STK31: variants seen among roughly 807,000 people sequenced by gnomAD.
The protein encoded by STK31 is serine/threonine kinase 31.
A neutral mutation model predicts 129.7 loss-of-function variants in STK31; 89 were observed. The ratio of observed to expected loss-of-function variants is 0.69; its 90% CI spans 0.58 to 0.82. The LOEUF (loss-of-function observed/expected upper bound fraction) is 0.82, where lower values mean the gene tolerates loss of function less well. Among genes scored for constraint, STK31 ranks in the 40% least tolerant of loss-of-function variants. The pLI, the probability that STK31 is intolerant of heterozygous loss-of-function variation, is 0.00. For missense variants in STK31, 1,187 were observed against 1,176.4 expected, an observed-to-expected ratio of 1.01 and a Z score of -0.13; for synonymous variants, 448 against 395.3, an observed-to-expected ratio of 1.13 and a Z score of -1.58.
At chr7:23,790,575 A>C (rs1218329976) in intron 21 of STK31, among the ~76,000 whole-genome samples, 1 of 152,184 alleles carries the variant, frequency 6.6e-6, no homozygotes, top group Non-Finnish European at 1.5e-5. Context: ...TTAATCACAG[A>C]ATAAGTGGTT....
chr7:23,803,484 A>G (rs1029459381), intron 22 of STK31, among the ~76,000 whole-genome samples: 1 of 152,236 alleles, frequency 6.6e-6, no homozygotes, highest in African/African-American at 2.4e-5. Context: ...TATGAGATCC[A>G]GATTAAATGA....
chr7:23,710,678 C>G (rs922584706), intron 1 of STK31: 2 of 1,115,286 alleles, frequency 1.8e-6, no homozygotes, highest in African/African-American at 3.2e-5. Context: ...CCGTTTCTTC[C>G]AAATTTTCAT....
chr7:23,784,134 A>G (rs1297179140), intron 17 of STK31, among the ~76,000 whole-genome samples: 1 of 152,122 alleles, frequency 6.6e-6, no homozygotes, highest in Non-Finnish European at 1.5e-5. Flanking sequence ...CAAAAGCTGG[A>G]GATCAGCATA....
chr7:23,762,084 AT>A (rs1044040588), intron 10 of STK31, among the ~76,000 whole-genome samples: 1 of 151,420 alleles, frequency 6.6e-6, no homozygotes, highest in Non-Finnish European at 1.5e-5. Flanking sequence ...AAACTTTTTT[AT>A]TTTATTTCAT....
intron 22 of STK31, among the ~76,000 whole-genome samples, chr7:23,793,021 C>CT (rs1562607278): frequency 2.6e-5 from 4 of 152,188 alleles, no homozygotes; most frequent in African/African-American, 9.7e-5. Flanking sequence ...GACCCTGTTT[C>CT]TAAAAACACA....
chr7:23,767,130 ATATT>A (rs1373658279), intron 11 of STK31, among the ~76,000 whole-genome samples: 4 of 152,104 alleles, frequency 2.6e-5, no homozygotes. Context: ...TTTGTTGAGA[ATATT>A]TATTATGCTT....
At chr7:23,747,935 T>TC (rs1768029684) in intron 8 of STK31, among the ~76,000 whole-genome samples, 1 of 152,184 alleles carries the variant, frequency 6.6e-6, no homozygotes, top group Non-Finnish European at 1.5e-5. Context: ...TGCTGGTTTT[T>TC]CTCTCCTGAT....
chr7:23,827,613 G>A (rs1484653773), intron 23 of STK31, among the ~76,000 whole-genome samples: 1 of 152,100 alleles, frequency 6.6e-6, no homozygotes, highest in Non-Finnish European at 1.5e-5. Flanking sequence ...GTCATTCTCT[G>A]TCCAGCTTTG....
At chr7:23,821,059 C>T (rs958944772) in intron 23 of STK31, among the ~76,000 whole-genome samples, 1 of 148,848 alleles carries the variant, frequency 6.7e-6, no homozygotes, top group African/African-American at 2.5e-5. Flanking sequence ...AATATTTTGA[C>T]ACTTAGGTTG....
In STK31 at chr7:23,759,879, T is replaced by TA. The variant is rs779121138; in HGVS notation, c.1294-2921dup. Reference sequence around the variant, plus strand: ...ATACCTATGGAGTTGTTACAAGAGATACTGGCTTTTGAGGGACATTAGGCT... The same window carrying TA: ...ATACCTATGGAGTTGTTACAAGAGATAACTGGCTTTTGAGGGACATTAGGCT... On this transcript the variant is annotated intron_variant, in intron 10 of 23. Transcript: ENST00000355870. Among the ~76,000 whole-genome samples the TA allele has an allele frequency of 7.4e-4, 112 of 152,322 alleles. 2 individuals carry two copies. The East Asian group carries it at 0.016, about 22-fold the overall frequency.
chr7:23,808,150 AATAT>A (rs569815420), intron 22 of STK31, among the ~76,000 whole-genome samples: 4 of 130,806 alleles, frequency 3.1e-5, no homozygotes, highest in African/African-American at 1.1e-4. Context: ...AATCCTTTTT[AATAT>A]ATATATATAT....
chr7:23,803,836 T>A (rs145351309), intron 22 of STK31, among the ~76,000 whole-genome samples: 148 of 152,330 alleles, frequency 9.7e-4, no homozygotes, highest in African/African-American at 3.5e-3. Context: ...GTTTTCTATA[T>A]CTTTTAACTG....
rs747657506 is a variant in STK31, at chr7:23,832,505, T to C, written c.*139T>C. The stretch of plus-strand genomic sequence containing the variant: ...TGTGAAAAATAAAGATGTTTGGCTA[T>C]GCACAAAATAGTTTGTATGCTTTGA... On this transcript the variant is annotated 3_prime_UTR_variant, in exon 24 of 24. Transcript: ENST00000355870. 2 of 664,126 alleles carry C rather than the reference T, an allele frequency of 3.0e-6. No homozygotes were observed. Among genetic ancestry groups the C allele is most frequent in the Non-Finnish European group, 5.1e-6 (2 of 391,152 alleles). The allele number at this position is 664,126 out of a possible 1,614,324, so 41.1% of individuals were successfully genotyped here. A position where few individuals can be genotyped will look rare whatever the true frequency, so the allele number is the denominator to read the frequency against.
intron 16 of STK31, among the ~76,000 whole-genome samples, chr7:23,783,328 G>A (rs971541010): frequency 6.6e-6 from 1 of 152,164 alleles, no homozygotes; most frequent in Non-Finnish European, 1.5e-5. Flanking sequence ...TGTTAAGCTA[G>A]GTTGCAGTTC....
At chr7:23,766,397 G>A (rs1424613452) in intron 11 of STK31, among the ~76,000 whole-genome samples, 2 of 152,112 alleles carry the variant, frequency 1.3e-5, no homozygotes, top group African/African-American at 4.8e-5. Flanking sequence ...CGAGTAGCTG[G>A]GACTACAGGC....
chr7:23,829,826 ATGTTTTCTATTTCT>A (rs1358989094), intron 23 of STK31, among the ~76,000 whole-genome samples: 3 of 152,112 alleles, frequency 2.0e-5, no homozygotes, highest in Admixed American at 2.0e-4. Flanking sequence ...TGGTCTGTTC[ATGTTTTCTATTTCT>A]TACTGATTCA....
chr7:23,816,896 T>C (rs561090449), intron 23 of STK31, among the ~76,000 whole-genome samples: 55 of 152,208 alleles, frequency 3.6e-4, no homozygotes, highest in Non-Finnish European at 4.3e-4. Flanking sequence ...TACTCTAAAA[T>C]GTAATCTGGC....
At chr7:23,783,797 A>G (rs1376341655) in intron 17 of STK31, 134 bp downstream of exon 17, 2 of 645,198 alleles carry the variant, frequency 3.1e-6, no homozygotes, top group Non-Finnish European at 5.0e-6. Flanking sequence ...TATGGGTATT[A>G]GAACTTTTTC....
intron 22 of STK31, among the ~76,000 whole-genome samples, chr7:23,808,827 T>G (rs1792887956): frequency 6.6e-6 from 1 of 151,882 alleles, no homozygotes; most frequent in Non-Finnish European, 1.5e-5. Flanking sequence ...TAGGGGGCAG[T>G]TTTTCGTTTG....
Sources: allele counts gnomAD v4.1 joint callset (sites outside exome capture counted in the v4.1 genomes callset), GRCh38; gene constraint gnomAD v4.1.1; transcripts MANE v1.5; gene names NCBI Gene and HGNC (gene_info 2026-07-23, HGNC 2026-07-21).